GNB4: variants seen among roughly 807,000 people sequenced by gnomAD.
GNB4 encodes the protein G protein subunit beta 4, also known as guanine nucleotide-binding protein subunit beta-4.
A neutral mutation model predicts 45.2 loss-of-function variants in GNB4; 28 were observed. The observed-to-expected ratio is 0.62, with a 90% CI of 0.46 to 0.85. The LOEUF (loss-of-function observed/expected upper bound fraction) is 0.85, where lower values mean the gene tolerates loss of function less well. Ranked by LOEUF, GNB4 falls within the 40% of genes least tolerant of loss-of-function variation. GNB4 has a pLI of 0.00. For synonymous variants in GNB4, 132 were observed against 143.7 expected, an observed-to-expected ratio of 0.92 and a Z score of 0.58; for missense variants, 321 against 425.4, an observed-to-expected ratio of 0.75 and a Z score of 2.16.
At chr3:179,475,780 G>A in the GNB4 span, among the ~76,000 whole-genome samples, 3 of 152,206 alleles carry the variant, frequency 2.0e-5, no homozygotes, top group African/African-American at 2.4e-5. Context: ...CCCTGAACTC[G>A]CTTTTCTAAC....
the GNB4 span, among the ~76,000 whole-genome samples, chr3:179,512,416 C>T: frequency 6.6e-6 from 1 of 152,148 alleles, no homozygotes; most frequent in African/African-American, 2.4e-5. Context: ...TCAAATGCTA[C>T]ATTTAGAGAA....
the GNB4 span, among the ~76,000 whole-genome samples, chr3:179,492,963 A>T: frequency 6.6e-6 from 1 of 152,160 alleles, no homozygotes; most frequent in Non-Finnish European, 1.5e-5. Flanking sequence ...CTTTGCCAAC[A>T]GAGACTTCAG....
At chr3:179,412,777 C>CT (rs958892783) in intron 8 of GNB4, among the ~76,000 whole-genome samples, 1 of 151,564 alleles carries the variant, frequency 6.6e-6, no homozygotes, top group Non-Finnish European at 1.5e-5. Context: ...AAAGACGAGA[C>CT]TTTTTTCTCA....
the GNB4 span, among the ~76,000 whole-genome samples, chr3:179,468,031 T>TTAAAAAAAAAAAAAAA: frequency 3.4e-4 from 23 of 67,298 alleles, no homozygotes; most frequent in South Asian, 8.9e-4. Context: ...ATTTTGTTGA[T>TTAAAAAAAAAAAAAAA]AAAAATATAT....
the GNB4 span, among the ~76,000 whole-genome samples, chr3:179,508,173 GAC>G: frequency 2.6e-5 from 4 of 152,156 alleles, no homozygotes; most frequent in Non-Finnish European, 5.9e-5. Context: ...TAAAAATAGA[GAC>G]AGTTTCTCAT....
intron 1 of GNB4, among the ~76,000 whole-genome samples, chr3:179,430,617 CTAATT>C (rs1715282803): frequency 7.1e-6 from 1 of 141,768 alleles, no homozygotes; most frequent in Non-Finnish European, 1.5e-5. Context: ...TCATGCCTGG[CTAATT>C]TTTTTTTTTT....
chr3:179,417,298 G>A (rs1217820906), intron 4 of GNB4, among the ~76,000 whole-genome samples: 2 of 152,114 alleles, frequency 1.3e-5, no homozygotes, highest in African/African-American at 4.8e-5. Flanking sequence ...TGAGAAAATG[G>A]AAAAATAAGT....
chr3:179,480,807 C>G, the GNB4 span, among the ~76,000 whole-genome samples: 1 of 151,292 alleles, frequency 6.6e-6, no homozygotes, highest in Non-Finnish European at 1.5e-5. Context: ...TAAGCATTTG[C>G]TAAAATAATT....
chr3:179,436,879 G>C (rs1371788922), intron 1 of GNB4, among the ~76,000 whole-genome samples: 1 of 152,166 alleles, frequency 6.6e-6, no homozygotes, highest in African/African-American at 2.4e-5. Context: ...AACCCCTTGT[G>C]AACTGAAGGT....
chr3:179,464,806 T>C, the GNB4 span: 11 of 1,349,056 alleles, frequency 8.2e-6, no homozygotes, highest in South Asian at 1.2e-4. Flanking sequence ...ACAAGGATGC[T>C]GATGGCTTTC....
chr3:179,519,641 G>T, the GNB4 span, among the ~76,000 whole-genome samples: 87 of 152,196 alleles, frequency 5.7e-4, no homozygotes, highest in South Asian at 1.9e-3. Flanking sequence ...TTAACTAAAT[G>T]ATCTGCTTCC....
chr3:179,402,417 C>T (rs1196993136), intron 9 of GNB4, among the ~76,000 whole-genome samples: 1 of 152,176 alleles, frequency 6.6e-6, no homozygotes, highest in Non-Finnish European at 1.5e-5. Context: ...GGTAATTGGC[C>T]TTAAGCAACG....
the GNB4 span, among the ~76,000 whole-genome samples, chr3:179,524,614 C>T: frequency 3.3e-5 from 5 of 152,082 alleles, no homozygotes; most frequent in South Asian, 2.1e-4. Flanking sequence ...TTTTAAATGT[C>T]GGGAGCTGAT....
At chr3:179,429,560 C>G (rs879454295) in intron 1 of GNB4, among the ~76,000 whole-genome samples, 2 of 152,208 alleles carry the variant, frequency 1.3e-5, no homozygotes, top group Admixed American at 1.3e-4. Flanking sequence ...CTCATCCCTT[C>G]TTAACCAGGC....
the GNB4 span, among the ~76,000 whole-genome samples, chr3:179,470,685 C>T: frequency 4.0e-5 from 6 of 151,864 alleles, no homozygotes; most frequent in Non-Finnish European, 8.8e-5. Flanking sequence ...GCTGGGACTA[C>T]AGGCACGTGC....
the GNB4 span, among the ~76,000 whole-genome samples, chr3:179,509,458 C>T: frequency 1.4e-4 from 22 of 152,052 alleles, no homozygotes; most frequent in African/African-American, 4.8e-4. Context: ...AGCTTCTGAG[C>T]GCCAAACCCG....
At chr3:179,487,489 G>A in the GNB4 span, among the ~76,000 whole-genome samples, 1 of 152,136 alleles carries the variant, frequency 6.6e-6, no homozygotes, top group African/African-American at 2.4e-5. Flanking sequence ...CAGCATGGCA[G>A]GTCAGACCCC....
chr3:179,502,574 A>T, the GNB4 span, among the ~76,000 whole-genome samples: 1 of 152,138 alleles, frequency 6.6e-6, no homozygotes, highest in Non-Finnish European at 1.5e-5. Flanking sequence ...ACCGTGAACA[A>T]CATCATCTTC....
intron 5 of GNB4, among the ~76,000 whole-genome samples, chr3:179,416,269 T>C (rs1714796052): frequency 6.6e-6 from 1 of 152,200 alleles, no homozygotes; most frequent in South Asian, 2.1e-4. Context: ...AATATTCATA[T>C]ATTAAATATG....
Sources: allele counts gnomAD v4.1 joint callset (sites outside exome capture counted in the v4.1 genomes callset), GRCh38; gene constraint gnomAD v4.1.1; transcripts MANE v1.5; gene names NCBI Gene and HGNC (gene_info 2026-07-23, HGNC 2026-07-21).